SMS: variants seen among roughly 807,000 people sequenced by gnomAD.
The protein encoded by SMS is spermidine aminopropyltransferase.
In SMS, 3 loss-of-function variants were observed where a neutral mutation model predicts 33.0. The observed-to-expected ratio is 0.09, with a 90% CI of 0.04 to 0.23. The LOEUF (loss-of-function observed/expected upper bound fraction) is 0.23. Among genes scored for constraint, SMS ranks in the 10% least tolerant of loss-of-function variants. The probability of loss-of-function intolerance (pLI) is 1.00; values close to 1 mark genes in which losing one functional copy is unlikely to be tolerated. For synonymous variants in SMS, 103 were observed against 112.2 expected, an observed-to-expected ratio of 0.92 and a Z score of 0.52; for missense variants, 117 against 288.6, an observed-to-expected ratio of 0.41 and a Z score of 4.31.
At chrX:21,942,829 CT>C (rs772851812) in intron 1 of SMS, among the ~76,000 whole-genome samples, 153 of 81,860 alleles carry the variant, frequency 1.9e-3, no homozygotes, top group South Asian at 0.013. Context: ...ATTTTCTTAA[CT>C]TTTTTTTTTT....
chrX:21,951,883 C>T (rs1328505981), intron 1 of SMS, among the ~76,000 whole-genome samples: 1 of 111,606 alleles, frequency 9.0e-6, no homozygotes, highest in African/African-American at 3.3e-5. Flanking sequence ...TTTACTACAT[C>T]TGCTCATTTT....
chrX:21,977,894 G>A, intron 5 of SMS, 66 bp from the exon 6 acceptor site: 1 of 1,058,823 alleles, frequency 9.4e-7, no homozygotes, highest in Non-Finnish European at 1.3e-6. Context: ...GCTCTTCAGT[G>A]TGGTGGGGCC....
chrX:21,987,718 C>T (rs1334099908), intron 9 of SMS, among the ~76,000 whole-genome samples: 1 of 112,224 alleles, frequency 8.9e-6, no homozygotes, highest in East Asian at 2.8e-4. Context: ...GGATCTTGAA[C>T]AAAAAGAGAC....
intron 7 of SMS, among the ~76,000 whole-genome samples, chrX:21,980,313 AGGC>A (rs1924831105): frequency 2.8e-5 from 3 of 106,612 alleles, no homozygotes; most frequent in Non-Finnish European, 3.9e-5. Context: ...GCTACATGGA[AGGC>A]TGAGGCAGGA....
At chrX:21,959,774 G>T (rs1923209888) in intron 1 of SMS, 1 of 157,269 alleles carries the variant, frequency 6.4e-6, no homozygotes, top group East Asian at 2.6e-4. Flanking sequence ...CCTGAGCCTG[G>T]CTGTCAGGTT....
At position 21,972,002 on chromosome X, in the gene SMS, A is replaced by T; in HGVS notation, c.264+12A>T. The T allele has an allele frequency of 9.5e-7, 1 of 1,057,119 alleles. No individual in the cohort carries two copies. The highest frequency in any genetic ancestry group is 1.3e-6 in the Non-Finnish European group (1 of 754,306). The allele number at this position is 1,057,119 out of a possible 1,213,427, so 87.1% of individuals were successfully genotyped here. A position where few individuals can be genotyped will look rare whatever the true frequency, so the allele number is the denominator to read the frequency against. ...AAGAGATCGACAGTGTCGGTTTTTC[A>T]CTTTCATTTACTCAGTGTTTAAGGA... On this transcript the variant is annotated intron_variant, in intron 3 of 10. Transcript: ENST00000404933.
At chrX:21,965,394 C>T (rs1183115599) in intron 1 of SMS, among the ~76,000 whole-genome samples, 1 of 110,251 alleles carries the variant, frequency 9.1e-6, no homozygotes, top group East Asian at 2.8e-4. Flanking sequence ...CCCAGCACTT[C>T]GGGAGGCTGT....
chrX:21,990,524 C>A (rs1003801633), intron 9 of SMS, among the ~76,000 whole-genome samples: 2 of 112,405 alleles, frequency 1.8e-5, no homozygotes. Context: ...AAATGTCATT[C>A]CATTTAAATA....
At chrX:21,945,542 T>TCAGA (rs1444833432) in intron 1 of SMS, among the ~76,000 whole-genome samples, 1 of 110,490 alleles carries the variant, frequency 9.1e-6, no homozygotes, top group East Asian at 2.8e-4. Flanking sequence ...GCACCTCTTC[T>TCAGA]CAGAGTAAGA....
chrX:21,959,197 A>G (rs1923174095), intron 1 of SMS, among the ~76,000 whole-genome samples: 1 of 112,520 alleles, frequency 8.9e-6, no homozygotes, highest in African/African-American at 3.2e-5. Context: ...TTGACCTAGA[A>G]ATTCATTAAG....
In SMS at chrX:21,992,793, A is replaced by G. The variant is rs372777449; in HGVS notation, c.1061+81A>G. On this transcript the variant is annotated intron_variant, in intron 10 of 10. Coordinates refer to ENST00000404933, the MANE Select transcript of SMS (RefSeq NM_004595.5). ...TGCCAATGAAAAAATTTAAATCACA[A>G]TAATAAACAATTAGCTTAGCCATAG... 113 of 552,116 alleles carry G rather than the reference A, an allele frequency of 2.0e-4. No individual in the cohort carries two copies. The African/African-American group carries it at 2.3e-3, about 11-fold the overall frequency. 45.5% of individuals were successfully genotyped at this position (552,116 alleles called of 1,213,427 possible).
At chrX:21,983,075 C>T (rs902068085) in intron 7 of SMS, among the ~76,000 whole-genome samples, 1 of 111,298 alleles carries the variant, frequency 9.0e-6, no homozygotes, top group Non-Finnish European at 1.9e-5. Flanking sequence ...TGCTCTGTCA[C>T]TCAGGCTGGA....
At chrX:21,968,635 T>C (rs2147509439) in intron 2 of SMS, among the ~76,000 whole-genome samples, 1 of 112,129 alleles carries the variant, frequency 8.9e-6, no homozygotes, top group East Asian at 2.8e-4. Flanking sequence ...CCGCAGACCA[T>C]GGTAAAATGC....
intron 1 of SMS, among the ~76,000 whole-genome samples, chrX:21,949,391 A>G (rs1183846571): frequency 8.9e-6 from 1 of 112,218 alleles, no homozygotes; most frequent in Non-Finnish European, 1.9e-5. Flanking sequence ...CAGTGGATAA[A>G]GATGCTCAGT....
chrX:21,973,471 T>C (rs1321234885), intron 4 of SMS, among the ~76,000 whole-genome samples: 1 of 112,640 alleles, frequency 8.9e-6, no homozygotes, highest in Non-Finnish European at 1.9e-5. Context: ...CTTCAACCTT[T>C]CCAGGAAAGA....
chrX:21,970,745 G>GTTTT (rs756995067), intron 2 of SMS, among the ~76,000 whole-genome samples: 3 of 82,253 alleles, frequency 3.6e-5, no homozygotes, highest in African/African-American at 8.8e-5. Context: ...ATTATTTTTA[G>GTTTT]TTTTTTTTTT....
intron 1 of SMS, among the ~76,000 whole-genome samples, chrX:21,955,912 G>A (rs1312427109): frequency 8.9e-6 from 1 of 111,744 alleles, no homozygotes; most frequent in Non-Finnish European, 1.9e-5. Flanking sequence ...TCTGAGTCTT[G>A]ACTCTCATAC....
chrX:21,940,928 C>CGGGCTG, intron 1 of SMS, 55 bp downstream of exon 1: 1 of 835,067 alleles, frequency 1.2e-6, no homozygotes, highest in Non-Finnish European at 1.6e-6. Context: ...CGCCGCCTGG[C>CGGGCTG]GGGCTGGGGC....
In SMS at chrX:21,976,950, G is replaced by T. The variant is rs189616078; in HGVS notation, c.330-111G>T. On this transcript the variant is annotated intron_variant, in intron 4 of 10. Transcript: ENST00000404933. ...AGCCCAAGCTTTGGATTCGTTTTGTGCTTGTCAAAAGTCGGCAGTCATGTG... is the reference window on the plus strand; with the variant it reads ...AGCCCAAGCTTTGGATTCGTTTTGTTCTTGTCAAAAGTCGGCAGTCATGTG... 3.6e-4 allele frequency: 260 copies of T among 712,899 alleles called. No homozygotes were observed. In the African/African-American group the frequency reaches 5.0e-3, roughly 14 times the overall value. 58.8% of individuals were successfully genotyped at this position (712,899 alleles called of 1,213,427 possible). A position where few individuals can be genotyped will look rare whatever the true frequency, so the allele number is the denominator to read the frequency against.
Sources: gnomAD v4.1 joint callset for allele counts (sites outside exome capture counted in the v4.1 genomes callset) on GRCh38, gnomAD v4.1.1 for gene constraint, MANE v1.5 for transcripts, NCBI Gene and HGNC (gene_info 2026-07-23, HGNC 2026-07-21) for gene names.